Variants in CSMD3 observed in about 807,000 individuals in gnomAD.
The protein encoded by CSMD3 is CUB and sushi domain-containing protein 3.
CSMD3 carries 177 observed loss-of-function variants against 435.2 expected under a neutral mutation model. That is an observed-to-expected ratio of 0.41 (90% CI 0.36 to 0.46). CSMD3 has a LOEUF of 0.46. Ranked by LOEUF, CSMD3 falls within the 20% of genes least tolerant of loss-of-function variation. CSMD3 has a pLI of 0.34. For synonymous variants in CSMD3, 1,656 were observed against 1,520.5 expected (o/e 1.09, Z -2.07); for missense variants, 4,265 against 4,504.6 (o/e 0.95, Z 1.52).
chr8:112,932,021 A>G (rs2083124919), intron 9 of CSMD3, among the ~76,000 whole-genome samples: 1 of 152,164 alleles, frequency 6.6e-6, no homozygotes, highest in Admixed American at 6.5e-5. Flanking sequence ...TACAGTCATT[A>G]TGGGGGGCAG....
At chr8:112,578,264 C>T (rs4876473) in intron 23 of CSMD3, among the ~76,000 whole-genome samples, 61,362 of 151,624 alleles carry the variant, frequency 0.4, 13,316 homozygotes, top group East Asian at 0.58. Flanking sequence ...CTCAATTATA[C>T]GAGCTAGTAT....
chr8:112,468,871 G>C (rs986527966), intron 32 of CSMD3, among the ~76,000 whole-genome samples: 1 of 151,954 alleles, frequency 6.6e-6, no homozygotes, highest in Admixed American at 6.6e-5. Context: ...TTTTCTGAGA[G>C]TAATAAAACA....
chr8:113,076,610 T>G lies in CSMD3; in HGVS notation c.917+22146A>C, dbSNP rs79955173. On this transcript the variant is annotated intron_variant, in intron 5 of 70. Coordinates refer to ENST00000297405, the MANE Select transcript of CSMD3 (RefSeq NM_198123.2). ...AGACATAGAGCTATCACATTATACA[T>G]ATTAGAATGCTTTTTCTTCATAAAA... Among the ~76,000 whole-genome samples the G allele has an allele frequency of 8.2e-4, 125 of 152,240 alleles. No homozygotes were observed. The East Asian group carries it at 0.022, about 27-fold the overall frequency.
At chr8:112,262,414 A>T (rs1364703747) in intron 61 of CSMD3, among the ~76,000 whole-genome samples, 1 of 152,052 alleles carries the variant, frequency 6.6e-6, no homozygotes, top group Non-Finnish European at 1.5e-5. Flanking sequence ...CAGTGAATAA[A>T]ACAAAAAAAA....
chr8:113,290,232 A>G (rs1335239708), intron 2 of CSMD3, among the ~76,000 whole-genome samples: 4 of 151,698 alleles, frequency 2.6e-5, no homozygotes, highest in Non-Finnish European at 5.9e-5. Context: ...TACATTTTAC[A>G]TAAAATACAA....
At chr8:112,641,512 G>T (rs1455397035) in intron 20 of CSMD3, among the ~76,000 whole-genome samples, 1 of 152,000 alleles carries the variant, frequency 6.6e-6, no homozygotes, top group Non-Finnish European at 1.5e-5. Flanking sequence ...TTGTCAAAGG[G>T]GTCCGTAGAG....
At chr8:113,085,016 T>C (rs1274277454) in intron 5 of CSMD3, among the ~76,000 whole-genome samples, 2 of 152,002 alleles carry the variant, frequency 1.3e-5, no homozygotes, top group Non-Finnish European at 2.9e-5. Flanking sequence ...ATAAAACTAC[T>C]AGAAGAATGC....
At chr8:112,430,351 T>C (rs1388828559) in intron 32 of CSMD3, among the ~76,000 whole-genome samples, 1 of 152,042 alleles carries the variant, frequency 6.6e-6, no homozygotes, top group African/African-American at 2.4e-5. Context: ...AGATACATTA[T>C]CTCATGTAAG....
intron 4 of CSMD3, among the ~76,000 whole-genome samples, chr8:113,131,802 A>G (rs963051485): frequency 6.6e-6 from 1 of 152,188 alleles, no homozygotes; most frequent in Admixed American, 6.5e-5. Flanking sequence ...AGCCCATGAA[A>G]GCAGTCGTGG....
chr8:112,995,824 T>G (rs1275460862), intron 6 of CSMD3, among the ~76,000 whole-genome samples: 1 of 150,748 alleles, frequency 6.6e-6, no homozygotes, highest in East Asian at 1.9e-4. Context: ...AATGGGGACA[T>G]TTTCAGTTGT....
At chr8:112,911,730 T>C (rs971948609) in intron 10 of CSMD3, among the ~76,000 whole-genome samples, 4 of 147,726 alleles carry the variant, frequency 2.7e-5, no homozygotes, top group African/African-American at 9.8e-5. Context: ...TATATAATTA[T>C]GTATTATATT....
At chr8:113,198,605 A>G (rs1392254623) in intron 3 of CSMD3, among the ~76,000 whole-genome samples, 1 of 151,336 alleles carries the variant, frequency 6.6e-6, no homozygotes, top group Non-Finnish European at 1.5e-5. Flanking sequence ...TTTTTTTTAA[A>G]AAGAAGTCCA....
chr8:112,994,189 T>C (rs1488599905), intron 6 of CSMD3, among the ~76,000 whole-genome samples: 1 of 151,806 alleles, frequency 6.6e-6, no homozygotes, highest in African/African-American at 2.4e-5. Context: ...CTTCTAAATA[T>C]CAGTTAAAGA....
chr8:113,130,291 C>G (rs962025832), intron 4 of CSMD3, among the ~76,000 whole-genome samples: 1 of 151,902 alleles, frequency 6.6e-6, no homozygotes, highest in Non-Finnish European at 1.5e-5. Context: ...TATTTGTGTC[C>G]CCATCCAAAT....
At chr8:112,523,280 C>T (rs1163294281) in intron 27 of CSMD3, among the ~76,000 whole-genome samples, 1 of 151,906 alleles carries the variant, frequency 6.6e-6, no homozygotes, top group African/African-American at 2.4e-5. Context: ...ATCTGTAAAA[C>T]TGGCCTAGGA....
intron 3 of CSMD3, among the ~76,000 whole-genome samples, chr8:113,252,234 A>G (rs1398195223): frequency 1.3e-5 from 2 of 152,058 alleles, no homozygotes. Context: ...CCCTGATGGA[A>G]TAAATACTCA....
At chr8:113,178,461 A>G (rs2092378392) in intron 3 of CSMD3, among the ~76,000 whole-genome samples, 1 of 151,984 alleles carries the variant, frequency 6.6e-6, no homozygotes, top group Non-Finnish European at 1.5e-5. Context: ...AGCAAAAGGT[A>G]GACATGGAGT....
chr8:113,195,838 CA>C (rs2092648682), intron 3 of CSMD3, among the ~76,000 whole-genome samples: 2 of 146,732 alleles, frequency 1.4e-5, no homozygotes, highest in Non-Finnish European at 3.0e-5. Context: ...CACACACACA[CA>C]CCCCCACACA....
At chr8:112,598,505 T>C (rs1037905111) in intron 22 of CSMD3, among the ~76,000 whole-genome samples, 36 of 148,506 alleles carry the variant, frequency 2.4e-4, no homozygotes, top group African/African-American at 9.0e-4. Flanking sequence ...CTTCACAGAA[T>C]TGGAAAAAAC....
Sources: gnomAD v4.1 joint callset for allele counts (sites outside exome capture counted in the v4.1 genomes callset) on GRCh38, gnomAD v4.1.1 for gene constraint, MANE v1.5 for transcripts, NCBI Gene and HGNC (gene_info 2026-07-23, HGNC 2026-07-21) for gene names.